The following SNX24 variants were observed in gnomAD, a reference collection of about 807,000 sequenced individuals.
The protein encoded by SNX24 is sorting nexin-24.
Under a neutral mutation model 28.7 loss-of-function variants are expected in SNX24, and 22 were observed. The ratio of observed to expected loss-of-function variants is 0.77; its 90% confidence interval spans 0.55 to 1.10. The LOEUF is 1.10. SNX24 is among the 50% of genes least tolerant of loss of function. SNX24 has a pLI of 0.00. For synonymous variants in SNX24, 69 were observed against 71.5 expected (o/e 0.96, Z 0.18); for missense variants, 221 against 201.1 (o/e 1.10, Z -0.60).
Position 123,008,797 on chromosome 5 carries a change from A to T in SNX24, c.*1048A>T. On this transcript the variant is annotated 3_prime_UTR_variant, in exon 7 of 7. Coordinates refer to ENST00000261369, the MANE Select transcript of SNX24 (RefSeq NM_014035.4). ...CTCATTTGTTGAGTTAATGTAAGTTAAATGTGTTTATGATATAACTCCACT... is the reference window on the plus strand; with the variant it reads ...CTCATTTGTTGAGTTAATGTAAGTTTAATGTGTTTATGATATAACTCCACT... 1 of 846,978 alleles carries T rather than the reference A, an allele frequency of 1.2e-6. No individual in the cohort carries two copies. Among genetic ancestry groups the T allele is most frequent in the Non-Finnish European group, 1.4e-6 (1 of 703,540 alleles). 52.5% of individuals were successfully genotyped at this position (846,978 alleles called of 1,614,324 possible). A position where few individuals can be genotyped will look rare whatever the true frequency, so the allele number is the denominator to read the frequency against.
intron 1 of SNX24, among the ~76,000 whole-genome samples, chr5:122,864,269 T>TC (rs1755622464): frequency 6.6e-6 from 1 of 152,150 alleles, no homozygotes; most frequent in Non-Finnish European, 1.5e-5. Flanking sequence ...TCCTGATAGC[T>TC]CTTGGTGATT....
chr5:122,914,475 C>G (rs1426655715), intron 1 of SNX24, among the ~76,000 whole-genome samples: 1 of 151,316 alleles, frequency 6.6e-6, no homozygotes, highest in East Asian at 1.9e-4. Context: ...GGAATGGTAC[C>G]AGTTCCTCCT....
In SNX24 at chr5:123,018,805, G is replaced by A. The variant is rs111729389; in HGVS notation, n.384-10433G>A. ...GGGTTCAAGCAATTCTCCTGCCTTA[G>A]CCTCTCAAGTAGCTGGGATTACAGG... On this transcript the variant is annotated intron_variant and non_coding_transcript_variant, in intron 5 of 5. Transcript: ENST00000502387. 8.4e-3 allele frequency among the ~76,000 whole-genome samples: 1,271 copies of A among 152,116 alleles called. 21 individuals are homozygous for A. The highest frequency in any genetic ancestry group is 0.029 in the African/African-American group (1,219 of 41,510).
intron 5 of SNX24, among the ~76,000 whole-genome samples, chr5:123,020,559 T>C (rs1257676139): frequency 1.3e-5 from 2 of 152,244 alleles, no homozygotes; most frequent in African/African-American, 4.8e-5. Flanking sequence ...GCTCCCAGTA[T>C]TTTGCTACCA....
intron 2 of SNX24, 93 bp downstream of exon 2, chr5:122,936,910 A>T: frequency 1.5e-6 from 1 of 655,484 alleles, no homozygotes; most frequent in African/African-American, 1.8e-5. Context: ...GACCATTGAT[A>T]TTTCTTGTGT....
rs916740448 is a variant in SNX24, at chr5:122,870,762, T to G, written c.60+25069T>G. 1.1e-4 allele frequency among the ~76,000 whole-genome samples: 16 copies of G among 152,220 alleles called. 2 individuals carry two copies. The highest frequency in any genetic ancestry group is 3.9e-4 in the East Asian group (2 of 5,176). Reference sequence around the variant, plus strand: ...GGAAGTGCCTGAGACATGGAAAAACTTCAGGTGTTAGCACCACTTCAGGTG... The same window carrying G: ...GGAAGTGCCTGAGACATGGAAAAACGTCAGGTGTTAGCACCACTTCAGGTG... On this transcript the variant is annotated intron_variant, in intron 1 of 6. Coordinates refer to ENST00000261369, the MANE Select transcript of SNX24 (RefSeq NM_014035.4).
intron 1 of SNX24, among the ~76,000 whole-genome samples, chr5:122,919,376 T>C (rs1316960264): frequency 6.6e-6 from 1 of 152,200 alleles, no homozygotes; most frequent in African/African-American, 2.4e-5. Flanking sequence ...AATTTCTCCA[T>C]GGTACTAGCA....
chr5:122,981,531 C>T (rs1004017863), intron 3 of SNX24, among the ~76,000 whole-genome samples: 1 of 152,202 alleles, frequency 6.6e-6, no homozygotes, highest in African/African-American at 2.4e-5. Context: ...ACCATCAGTA[C>T]AATATAGTTT....
intron 3 of SNX24, among the ~76,000 whole-genome samples, chr5:122,949,478 C>G (rs903664149): frequency 6.6e-6 from 1 of 151,930 alleles, no homozygotes; most frequent in African/African-American, 2.4e-5. Context: ...ACTTTATTTT[C>G]AAATAGAAAT....
chr5:122,961,348 T>C (rs1760481234), intron 3 of SNX24, among the ~76,000 whole-genome samples: 1 of 152,216 alleles, frequency 6.6e-6, no homozygotes, highest in Non-Finnish European at 1.5e-5. Flanking sequence ...ACAAGACCTA[T>C]GTATTTGGGA....
intron 1 of SNX24, among the ~76,000 whole-genome samples, chr5:122,885,826 A>C (rs755479088): frequency 1.8e-4 from 28 of 152,194 alleles, no homozygotes; most frequent in Non-Finnish European, 3.5e-4. Flanking sequence ...AACCATGGAC[A>C]GGTGGTCGGG....
At chr5:123,018,078 C>A (rs1268415849) in intron 5 of SNX24, among the ~76,000 whole-genome samples, 1 of 151,940 alleles carries the variant, frequency 6.6e-6, no homozygotes, top group African/African-American at 2.4e-5. Context: ...TAAGCAGGTA[C>A]AGCTCAGAGT....
chr5:122,994,672 G>T (rs1290748239), intron 3 of SNX24, among the ~76,000 whole-genome samples: 7 of 152,102 alleles, frequency 4.6e-5, no homozygotes, highest in African/African-American at 1.7e-4. Context: ...AGCTTACAGG[G>T]GCTGTTGGTG....
intron 1 of SNX24, among the ~76,000 whole-genome samples, chr5:122,862,017 C>T (rs1005894230): frequency 7.9e-5 from 12 of 152,090 alleles, no homozygotes; most frequent in African/African-American, 1.9e-4. Flanking sequence ...ATTGGTGTTG[C>T]GGGGCAGGGG....
chr5:123,017,088 C>T (rs1762692332), intron 5 of SNX24, among the ~76,000 whole-genome samples: 2 of 152,022 alleles, frequency 1.3e-5, no homozygotes, highest in South Asian at 4.2e-4. Flanking sequence ...GAGATCAAAC[C>T]TGTGACTTTG....
chr5:123,007,651 T>A, intron 6 of SNX24, 31 bp from the exon 7 acceptor site: 7 of 1,551,334 alleles, frequency 4.5e-6, no homozygotes, highest in Non-Finnish European at 5.2e-6. Context: ...AGTTTTTCTT[T>A]TTTTTTTCTT....
intron 1 of SNX24, among the ~76,000 whole-genome samples, chr5:122,911,490 A>T (rs1463281402): frequency 6.6e-6 from 1 of 150,860 alleles, no homozygotes; most frequent in East Asian, 1.9e-4. Context: ...CCCATTTGTC[A>T]ATTTTGGCTT....
At chr5:122,995,330 C>T (rs1762015488) in intron 3 of SNX24, among the ~76,000 whole-genome samples, 2 of 152,192 alleles carry the variant, frequency 1.3e-5, no homozygotes, top group Non-Finnish European at 2.9e-5. Flanking sequence ...ATCATTATCC[C>T]CTTGACTTTC....
intron 3 of SNX24, among the ~76,000 whole-genome samples, chr5:122,977,244 A>G (rs1270568316): frequency 6.6e-6 from 1 of 152,152 alleles, no homozygotes; most frequent in Non-Finnish European, 1.5e-5. Context: ...CTGTGGTCTT[A>G]AATGCTTTTT....
Sources: allele counts gnomAD v4.1 joint callset (sites outside exome capture counted in the v4.1 genomes callset), GRCh38; gene constraint gnomAD v4.1.1; transcripts MANE v1.5; gene names NCBI Gene and HGNC (gene_info 2026-07-23, HGNC 2026-07-21).